LINGO1: variants seen among roughly 807,000 people sequenced by gnomAD.
The protein encoded by LINGO1 is leucine rich repeat and Ig domain containing 1, also known as leucine-rich repeat and immunoglobulin-like domain-containing nogo receptor-interacting protein 1.
LINGO1 carries 11 observed loss-of-function variants against 37.3 expected under a neutral mutation model. The observed-to-expected ratio is 0.29, with a 90% CI of 0.19 to 0.49. The LOEUF (loss-of-function observed/expected upper bound fraction) is 0.49, where lower values mean the gene tolerates loss of function less well. Among genes scored for constraint, LINGO1 ranks in the 20% least tolerant of loss-of-function variants. The pLI, the probability that LINGO1 is intolerant of heterozygous loss-of-function variation, is 0.99. For synonymous variants in LINGO1, 387 were observed against 403.0 expected (o/e 0.96, Z 0.48); for missense variants, 585 against 878.2 (o/e 0.67, Z 4.22).
chr15:77,614,021 G>T lies in LINGO1; in HGVS notation c.*23C>A, dbSNP rs984692154. Reference sequence around the variant, plus strand: ...CCCTTCCCCTGCCCGGCCGCCCGGGGGTCCCTGCCCCCCGCCCCGGCCTCA... The same window carrying T: ...CCCTTCCCCTGCCCGGCCGCCCGGGTGTCCCTGCCCCCCGCCCCGGCCTCA... On this transcript the variant is annotated 3_prime_UTR_variant, in exon 2 of 2. Transcript: ENST00000355300. 6.0e-5 allele frequency: 92 copies of T among 1,544,152 alleles called. No homozygotes were observed. The highest frequency in any genetic ancestry group is 1.2e-4 in the Admixed American group (6 of 50,556).
chr15:77,615,725 C>T lies in LINGO1; in HGVS notation c.182G>A (p.Arg61His), dbSNP rs771542575. 2.5e-6 allele frequency: 4 copies of T among 1,596,214 alleles called. No individual in the cohort carries two copies. The highest frequency in any genetic ancestry group is 2.6e-6 in the Non-Finnish European group (3 of 1,173,188). The change falls in exon 2 of 2, where the codon CGC becomes CAC. Residue 61 changes from arginine to histidine, a missense_variant. By Grantham distance (29) the Arg-to-His change is conservative (BLOSUM62 0). This residue lies in a region of LINGO1 where 484 missense variants were observed against 735.0 expected (regional missense o/e 0.66). Coordinates refer to ENST00000355300, the MANE Select transcript of LINGO1 (RefSeq NM_032808.7). The stretch of plus-strand genomic sequence containing the variant: ...GATGCCCTCGGGGACTGCCACAAAG[C>T]GCTTGCGGTGGCACAGCACAGCGCG... ...QDRAVLCHRK[R>H]FVAVPEGIPT...
intron 3 of LINGO1, among the ~76,000 whole-genome samples, chr15:77,653,705 C>A (rs1447702006): frequency 6.6e-6 from 1 of 150,674 alleles, no homozygotes; most frequent in East Asian, 1.9e-4. Flanking sequence ...CTTGTCTCTA[C>A]CCCAGAAGCA....
chr15:77,664,178 C>CGCGCGCGTGCGT (rs2075075946), intron 3 of LINGO1, among the ~76,000 whole-genome samples: 1 of 134,066 alleles, frequency 7.5e-6, no homozygotes, highest in African/African-American at 3.0e-5. Flanking sequence ...TGTGCGCGCG[C>CGCGCGCGTGCGT]GCATGCGTTT....
At chr15:77,706,526 C>T (rs1465339454) in intron 2 of LINGO1, among the ~76,000 whole-genome samples, 2 of 152,226 alleles carry the variant, frequency 1.3e-5, no homozygotes, top group East Asian at 3.9e-4. Flanking sequence ...CCAGCCCCAC[C>T]TCCTCTGGTT....
At chr15:77,738,702 T>C (rs2141344116) in intron 1 of LINGO1, among the ~76,000 whole-genome samples, 1 of 150,856 alleles carries the variant, frequency 6.6e-6, no homozygotes, top group African/African-American at 2.4e-5. Flanking sequence ...ACCTCTGTAC[T>C]ATGTGCAGTG....
At chr15:77,776,472 G>GACAGGAAGGCAGGAAA (rs2076644596) in intron 1 of LINGO1, among the ~76,000 whole-genome samples, 1 of 114,808 alleles carries the variant, frequency 8.7e-6, no homozygotes, top group Admixed American at 8.9e-5. Context: ...AAGGCAGGAA[G>GACAGGAAGGCAGGAAA]GCAGGAAGGC....
intron 2 of LINGO1, among the ~76,000 whole-genome samples, chr15:77,730,689 G>A (rs971578824): frequency 6.6e-6 from 1 of 152,248 alleles, no homozygotes; most frequent in East Asian, 1.9e-4. Flanking sequence ...GGAGCAGCAA[G>A]GCAGGGGGAA....
At position 77,664,880 on chromosome 15, in the gene LINGO1, A is replaced by G. The variant is rs149864581; in HGVS notation, c.-13+12209T>C. Among the ~76,000 whole-genome samples the G allele has an allele frequency of 7.0e-3, 1,066 of 152,318 alleles. 14 individuals carry two copies. The highest frequency in any genetic ancestry group is 0.024 in the African/African-American group (1,018 of 41,566). On this transcript the variant is annotated intron_variant, in intron 3 of 3. Coordinates refer to the LINGO1 transcript ENST00000559893. ...CCGTGGCAGGGGCTCTTGTACACAC[A>G]TACAGATACAGAATTGTACTTGAAG...
chr15:77,708,942 G>A (rs2075885391), intron 2 of LINGO1, among the ~76,000 whole-genome samples: 4 of 152,252 alleles, frequency 2.6e-5, no homozygotes, highest in South Asian at 4.2e-4. Context: ...CAACTTGGAC[G>A]TAGACACACT....
At chr15:77,664,170 T>TGTGTGTGTGTGTGC in intron 3 of LINGO1, among the ~76,000 whole-genome samples, 27 of 131,006 alleles carry the variant, frequency 2.1e-4, no homozygotes, top group African/African-American at 2.6e-4. Context: ...TGTGTGTGTG[T>TGTGTGTGTGTGTGC]GCGCGCGCGC....
chr15:77,781,347 C>G (rs1341125486), intron 1 of LINGO1, among the ~76,000 whole-genome samples: 1 of 152,162 alleles, frequency 6.6e-6, no homozygotes, highest in African/African-American at 2.4e-5. Flanking sequence ...GCTCCCACGC[C>G]GAAGGAGGCT....
chr15:77,720,597 T>C (rs962088932), intron 2 of LINGO1: 1 of 152,220 alleles, frequency 6.6e-6, no homozygotes, highest in Non-Finnish European at 1.5e-5. Flanking sequence ...ATTATCCCGA[T>C]TGAGAAAAGC....
At chr15:77,619,149 C>T (rs201494522) in intron 1 of LINGO1, among the ~76,000 whole-genome samples, 1 of 109,582 alleles carries the variant, frequency 9.1e-6, no homozygotes, top group Non-Finnish European at 1.9e-5. Flanking sequence ...GTAATGTAAT[C>T]CTGGTTCAGT....
At chr15:77,643,629 A>G (rs2074558117) in intron 3 of LINGO1, among the ~76,000 whole-genome samples, 1 of 152,148 alleles carries the variant, frequency 6.6e-6, no homozygotes, top group Non-Finnish European at 1.5e-5. Flanking sequence ...GTGTCTGAGA[A>G]ACTCCCTCAT....
At chr15:77,723,468 C>T (rs546899539) in intron 2 of LINGO1, among the ~76,000 whole-genome samples, 14 of 152,320 alleles carry the variant, frequency 9.2e-5, no homozygotes, top group Non-Finnish European at 1.5e-4. Context: ...GACGTCTCTG[C>T]GTGCTTCTGA....
chr15:77,800,305 C>T (rs1245314251), intron 1 of LINGO1, among the ~76,000 whole-genome samples: 2 of 152,222 alleles, frequency 1.3e-5, no homozygotes, highest in African/African-American at 4.8e-5. Context: ...CCTCACGTCC[C>T]TAGTTACTGC....
chr15:77,719,603 C>A (rs1469959021), intron 2 of LINGO1, among the ~76,000 whole-genome samples: 1 of 149,764 alleles, frequency 6.7e-6, no homozygotes, highest in East Asian at 2.2e-4. Context: ...ACTCCAGAAG[C>A]CAGATTTTGA....
rs1405233483 is a variant in LINGO1 at position 77,614,949 on chromosome 15, C to T, written c.958G>A (p.Gly320Ser). ...GGCTCCACCACGGCCAGCTGCCCGC[C>T]CACCAGCTGGATCTCCTGCAGCCGG... ...LLRLQEIQLVGGQLAVVEPYA... is the reference protein window; with the variant it reads ...LLRLQEIQLVSGQLAVVEPYA... Residue 320 changes from glycine (G) to serine (S), a missense_variant, in exon 2 of 2, where the codon GGC becomes AGC. Physicochemically the swap from Gly to Ser is moderately conservative, Grantham distance 56. Around this residue, in one of 4 missense-constraint regions of LINGO1, gnomAD observed 484 missense variants for 735.0 expected, o/e 0.66. Coordinates refer to ENST00000355300, the MANE Select transcript of LINGO1 (RefSeq NM_032808.7). 6.2e-7 allele frequency: 1 copy of T among 1,613,946 alleles called. No homozygotes were observed. The highest frequency in any genetic ancestry group is 8.5e-7 in the Non-Finnish European group (1 of 1,179,886).
rs762471410 is a variant in LINGO1, at chr15:77,614,128, G to A, written c.1779C>T (p.Ile593=). The part of the protein sequence containing the change: ...SRGKGNTKHN[I]EIEYVPRKSD... ...ACTTTCGGGGCACATACTCGATCTC[G>A]ATGTTGTGCTTTGTGTTGCCCTTGC... Residue 593 remains isoleucine, a synonymous_variant, in exon 2 of 2, where the codon ATC becomes ATT. Transcript: ENST00000355300. The A allele has an allele frequency of 7.4e-6, 12 of 1,613,998 alleles. No individual in the cohort carries two copies. The highest frequency in any genetic ancestry group is 1.3e-5 in the African/African-American group (1 of 75,034).
Sources: allele counts gnomAD v4.1 joint callset (sites outside exome capture counted in the v4.1 genomes callset), GRCh38; gene constraint gnomAD v4.1.1; regional missense constraint gnomAD v4.1.1; transcripts MANE v1.5; gene names NCBI Gene and HGNC (gene_info 2026-07-23, HGNC 2026-07-21).